Variants in NAV2 observed in about 807,000 individuals in gnomAD.
The protein encoded by NAV2 is neuron navigator 2.
In NAV2, 54 loss-of-function variants were observed where a neutral mutation model predicts 223.2. The observed-to-expected ratio is 0.24, with a 90% CI of 0.19 to 0.30. The LOEUF is 0.30. NAV2 is among the 10% of genes least tolerant of loss of function. NAV2 has a pLI of 1.00. For missense variants in NAV2, 2,806 were observed against 3,147.5 expected, an observed-to-expected ratio of 0.89 and a Z score of 2.60; for synonymous variants, 1,279 against 1,239.3, an observed-to-expected ratio of 1.03 and a Z score of -0.67.
At chr11:19,759,176 G>A (rs759656754) in intron 1 of NAV2, among the ~76,000 whole-genome samples, 4 of 140,228 alleles carry the variant, frequency 2.9e-5, no homozygotes, top group South Asian at 4.4e-4. Flanking sequence ...TCCGCCTCCC[G>A]GGTCCACGCC....
intron 1 of NAV2, among the ~76,000 whole-genome samples, chr11:19,791,808 G>A (rs1404276830): frequency 6.6e-6 from 1 of 152,170 alleles, no homozygotes; most frequent in African/African-American, 2.4e-5. Flanking sequence ...GCTTTGCCAA[G>A]CACTGCTTAC....
intron 37 of NAV2, 29 bp downstream of exon 37, chr11:20,114,824 G>A: frequency 6.3e-6 from 10 of 1,597,400 alleles, no homozygotes; most frequent in Non-Finnish European, 6.0e-6. Flanking sequence ...GAGCAGCTCA[G>A]CATTCCTTTA....
At chr11:19,895,799 C>A (rs2041929502) in intron 6 of NAV2, among the ~76,000 whole-genome samples, 1 of 152,144 alleles carries the variant, frequency 6.6e-6, no homozygotes. Context: ...TTCTGCATTT[C>A]CTTCACCTTT....
intron 1 of NAV2, among the ~76,000 whole-genome samples, chr11:19,761,191 T>C (rs1382444225): frequency 1.3e-5 from 2 of 152,152 alleles, no homozygotes; most frequent in Non-Finnish European, 2.9e-5. Context: ...GAGGCCTTTT[T>C]TCTTGGGGGA....
chr11:19,493,289 AG>A (rs2042690747), intron 1 of NAV2, among the ~76,000 whole-genome samples: 1 of 152,158 alleles, frequency 6.6e-6, no homozygotes, highest in South Asian at 2.1e-4. Flanking sequence ...AGGTGATTAA[AG>A]GCACATTAGC....
At chr11:19,501,310 C>T (rs947091204) in intron 1 of NAV2, among the ~76,000 whole-genome samples, 4 of 152,170 alleles carry the variant, frequency 2.6e-5, no homozygotes, top group African/African-American at 9.7e-5. Flanking sequence ...ATTCCAGCAA[C>T]TAGGGTGTGG....
At chr11:19,530,886 A>G (rs1379439917) in intron 1 of NAV2, among the ~76,000 whole-genome samples, 1 of 152,240 alleles carries the variant, frequency 6.6e-6, no homozygotes, top group East Asian at 1.9e-4. Context: ...GAAGTAGTAT[A>G]TTCAGAATTT....
At chr11:19,597,802 T>C (rs2046243354) in intron 1 of NAV2, among the ~76,000 whole-genome samples, 1 of 152,224 alleles carries the variant, frequency 6.6e-6, no homozygotes. Flanking sequence ...GCGTGAGGAA[T>C]GTCTGCACAG....
chr11:19,946,381 C>T lies in NAV2; in HGVS notation c.2147-20C>T. ...TGGTTGGTCAGAGAATTAAACTAGTCTTAACCCTCATCTTTCTAGGGGAAG... is the reference window on the plus strand; with the variant it reads ...TGGTTGGTCAGAGAATTAAACTAGTTTTAACCCTCATCTTTCTAGGGGAAG... On this transcript the variant is annotated intron_variant, in intron 8 of 37. Transcript: ENST00000349880. 1 of 1,605,510 alleles carries T rather than the reference C, an allele frequency of 6.2e-7. No homozygotes were observed. Among genetic ancestry groups the T allele is most frequent in the Non-Finnish European group, 8.5e-7 (1 of 1,175,420 alleles).
At chr11:19,640,973 C>T (rs2047647429) in intron 1 of NAV2, among the ~76,000 whole-genome samples, 1 of 152,204 alleles carries the variant, frequency 6.6e-6, no homozygotes, top group African/African-American at 2.4e-5. Flanking sequence ...GGGAAAGGAG[C>T]TGGTTTTCCT....
chr11:20,076,551 C>T (rs1435502790), intron 22 of NAV2, among the ~76,000 whole-genome samples: 1 of 152,196 alleles, frequency 6.6e-6, no homozygotes, highest in Non-Finnish European at 1.5e-5. Flanking sequence ...AATTCCTTAG[C>T]ATGACTGTTT....
chr11:19,777,884 G>A (rs775577946), intron 1 of NAV2: 5 of 455,838 alleles, frequency 1.1e-5, no homozygotes, highest in South Asian at 7.7e-5. Flanking sequence ...CGTGGTCCGC[G>A]TCCCCCGAGC....
chr11:20,113,021 CTT>C (rs1269352659), intron 36 of NAV2, among the ~76,000 whole-genome samples: 3 of 152,212 alleles, frequency 2.0e-5, no homozygotes, highest in Admixed American at 6.5e-5. Flanking sequence ...CCACAGGACT[CTT>C]TAGTCTCTGT....
intron 1 of NAV2, among the ~76,000 whole-genome samples, chr11:19,470,764 G>A (rs540328496): frequency 6.6e-6 from 1 of 152,232 alleles, no homozygotes; most frequent in East Asian, 1.9e-4. Context: ...TCAATTCTTC[G>A]ATCCAAAGAT....
intron 6 of NAV2, among the ~76,000 whole-genome samples, chr11:19,922,237 G>A (rs2044339176): frequency 6.6e-6 from 1 of 152,042 alleles, no homozygotes; most frequent in African/African-American, 2.4e-5. Context: ...TGCTCTGGCA[G>A]GTGTTGCTGT....
At chr11:19,956,554 A>T (rs1245599663) in intron 10 of NAV2, among the ~76,000 whole-genome samples, 1 of 152,178 alleles carries the variant, frequency 6.6e-6, no homozygotes, top group Non-Finnish European at 1.5e-5. Context: ...TCAGGGGAAC[A>T]CTTATTTACT....
At chr11:20,097,079 T>G (rs937558500) in intron 30 of NAV2, among the ~76,000 whole-genome samples, 16 of 152,224 alleles carry the variant, frequency 1.1e-4, no homozygotes, top group African/African-American at 3.9e-4. Flanking sequence ...AGGGAACACT[T>G]TCCAAATTAA....
chr11:19,670,299 C>T (rs1014595747), intron 1 of NAV2, among the ~76,000 whole-genome samples: 2 of 152,162 alleles, frequency 1.3e-5, no homozygotes, highest in Admixed American at 6.5e-5. Flanking sequence ...GCTCACCTAA[C>T]TCTGATCTCC....
At chr11:19,868,858 C>T in intron 3 of NAV2, 67 bp from the exon 4 acceptor site, 3 of 1,509,986 alleles carry the variant, frequency 2.0e-6, no homozygotes, top group Non-Finnish European at 2.7e-6. Context: ...CCCATTGTTC[C>T]TCATAAGAGA....
Sources: gnomAD v4.1 joint callset for allele counts (sites outside exome capture counted in the v4.1 genomes callset) on GRCh38, gnomAD v4.1.1 for gene constraint, MANE v1.5 for transcripts, NCBI Gene and HGNC (gene_info 2026-07-23, HGNC 2026-07-21) for gene names.